The following SLC16A2 variants were observed in gnomAD, a reference collection of about 807,000 sequenced individuals.
The protein encoded by SLC16A2 is solute carrier family 16 member 2, also known as monocarboxylate transporter 8.
In SLC16A2, 3 loss-of-function variants were observed where a neutral mutation model predicts 27.2. The observed-to-expected ratio is 0.11, with a 90% CI of 0.05 to 0.28. The LOEUF (loss-of-function observed/expected upper bound fraction) is 0.28, where lower values mean the gene tolerates loss of function less well. SLC16A2 is among the 10% of genes least tolerant of loss of function. The pLI, the probability that SLC16A2 is intolerant of heterozygous loss-of-function variation, is 1.00. For missense variants in SLC16A2, 295 were observed against 458.5 expected (o/e 0.64, Z 3.26); for synonymous variants, 202 against 187.8 (o/e 1.08, Z -0.62).
intron 1 of SLC16A2, among the ~76,000 whole-genome samples, chrX:74,468,694 TA>T (rs1186074357): frequency 5.3e-5 from 6 of 112,273 alleles, no homozygotes; most frequent in Non-Finnish European, 9.4e-5. Flanking sequence ...ATTTAATTTT[TA>T]TGTGTACATA....
At chrX:74,504,099 G>T (rs1405069661) in intron 1 of SLC16A2, among the ~76,000 whole-genome samples, 3 of 112,279 alleles carry the variant, frequency 2.7e-5, no homozygotes, top group Non-Finnish European at 3.8e-5. Flanking sequence ...GACATTTGCT[G>T]CCCTATTTAT....
intron 2 of SLC16A2, among the ~76,000 whole-genome samples, chrX:74,523,422 C>T (rs758632479): frequency 1.3e-3 from 145 of 112,204 alleles, no homozygotes; most frequent in Non-Finnish European, 1.7e-3. Flanking sequence ...AGAACTATTG[C>T]AAAATATATT....
At chrX:74,510,067 T>C (rs764626140) in intron 1 of SLC16A2, among the ~76,000 whole-genome samples, 97 of 112,056 alleles carry the variant, frequency 8.7e-4, no homozygotes, top group Admixed American at 3.1e-3. Context: ...AGAACTGGTA[T>C]TATCTCTTCC....
rs758214555 is a variant in SLC16A2 at position 74,532,532 on chromosome X, G to A, written c.*979G>A. On this transcript the variant is annotated 3_prime_UTR_variant, in exon 6 of 6. Transcript: ENST00000587091. Reference sequence around the variant, plus strand: ...GAAACTCCTTTCATCTCAGCAGGTAGAGGAGGACTGATGACACGAGCTGCC... The same window carrying A: ...GAAACTCCTTTCATCTCAGCAGGTAAAGGAGGACTGATGACACGAGCTGCC... 1 of 110,936 alleles carries A rather than the reference G, an allele frequency of 9.0e-6. No individual in the cohort carries two copies. Among genetic ancestry groups the A allele is most frequent in the East Asian group, 2.8e-4 (1 of 3,551 alleles). The allele number at this position is 110,936 out of a possible 1,213,427, so 9.1% of individuals were successfully genotyped here.
chrX:74,462,819 A>G (rs1929177016), intron 1 of SLC16A2, among the ~76,000 whole-genome samples: 2 of 111,812 alleles, frequency 1.8e-5, no homozygotes, highest in African/African-American at 6.5e-5. Flanking sequence ...GGCTCAAGAC[A>G]TCTGTGAAAA....
chrX:74,455,335 A>G (rs1929023874), intron 1 of SLC16A2, among the ~76,000 whole-genome samples: 2 of 111,336 alleles, frequency 1.8e-5, no homozygotes, highest in African/African-American at 6.5e-5. Flanking sequence ...GAGTAACTAA[A>G]GTTTGAAAGG....
intron 1 of SLC16A2, among the ~76,000 whole-genome samples, chrX:74,472,744 A>G (rs1171386190): frequency 5.6e-5 from 2 of 36,029 alleles, no homozygotes; most frequent in Non-Finnish European, 7.9e-5. Flanking sequence ...CATGGGTGCA[A>G]AAAAAAAAAA....
chrX:74,511,781 G>T (rs752608420), intron 1 of SLC16A2, among the ~76,000 whole-genome samples: 1 of 112,116 alleles, frequency 8.9e-6, no homozygotes, highest in South Asian at 3.8e-4. Flanking sequence ...ATGGAAAAAG[G>T]TTTGAAAGAA....
chrX:74,479,903 T>A (rs1351548924), intron 1 of SLC16A2, among the ~76,000 whole-genome samples: 1 of 112,325 alleles, frequency 8.9e-6, no homozygotes, highest in African/African-American at 3.2e-5. Context: ...TACTGGGGGT[T>A]GCCTCCTAGT....
At chrX:74,445,407 A>G (rs747115878) in intron 1 of SLC16A2, among the ~76,000 whole-genome samples, 3 of 109,956 alleles carry the variant, frequency 2.7e-5, no homozygotes, top group Non-Finnish European at 5.7e-5. Context: ...TCCTGCAAGA[A>G]GACTTATTTC....
Position 74,450,892 on chromosome X carries a change from A to G in SLC16A2, c.430+28825A>G, listed in dbSNP as rs762878093. Among the ~76,000 whole-genome samples, 9 of 111,713 alleles carry G rather than the reference A, an allele frequency of 8.1e-5. No homozygotes were observed. In the South Asian group the frequency reaches 3.4e-3, roughly 42 times the overall value. ...AATTCTTGTCCACTGTTATAAGCAC[A>G]TAGGTCTTGATTTTAAAAGTCTTAT... is the stretch of plus-strand genomic sequence containing the variant. On this transcript the variant is annotated intron_variant, in intron 1 of 5. Coordinates refer to ENST00000587091, the MANE Select transcript of SLC16A2 (RefSeq NM_006517.5).
chrX:74,422,289 C>T (rs758086740), intron 1 of SLC16A2, among the ~76,000 whole-genome samples: 1 of 112,215 alleles, frequency 8.9e-6, no homozygotes, highest in African/African-American at 3.2e-5. Context: ...TGCAAGGCGT[C>T]CCGGGGGTAC....
At chrX:74,434,360 T>C (rs892674632) in intron 1 of SLC16A2, among the ~76,000 whole-genome samples, 2 of 112,025 alleles carry the variant, frequency 1.8e-5, no homozygotes, top group Non-Finnish European at 3.8e-5. Context: ...AAGTGGAGAA[T>C]TGGGCAGTGG....
At chrX:74,516,565 T>TTA (rs1930320798) in intron 1 of SLC16A2, among the ~76,000 whole-genome samples, 1 of 110,943 alleles carries the variant, frequency 9.0e-6, no homozygotes, top group African/African-American at 3.3e-5. Context: ...TGTGATACCA[T>TTA]TATATATATA....
At chrX:74,484,327 T>C (rs779906635) in intron 1 of SLC16A2, among the ~76,000 whole-genome samples, 95 of 111,855 alleles carry the variant, frequency 8.5e-4, no homozygotes, top group Middle Eastern at 4.6e-3. Flanking sequence ...AACTTGAAGT[T>C]GGGGCTTCCA....
chrX:74,503,063 T>C (rs1332584837), intron 1 of SLC16A2, among the ~76,000 whole-genome samples: 1 of 109,483 alleles, frequency 9.1e-6, no homozygotes, highest in Non-Finnish European at 1.9e-5. Context: ...TTTGCAACCT[T>C]TCCTGTACTC....
intron 2 of SLC16A2, among the ~76,000 whole-genome samples, chrX:74,523,035 C>T (rs1311903697): frequency 1.5e-5 from 1 of 66,918 alleles, no homozygotes; most frequent in Non-Finnish European, 3.5e-5. Flanking sequence ...TGGATCTAAA[C>T]CAAATCCTAT....
At chrX:74,516,489 G>A (rs1475110841) in intron 1 of SLC16A2, among the ~76,000 whole-genome samples, 1 of 111,098 alleles carries the variant, frequency 9.0e-6, no homozygotes, top group Non-Finnish European at 1.9e-5. Flanking sequence ...ATATAAGGGA[G>A]GTTAGGTTTC....
chrX:74,443,157 T>C (rs1296481374), intron 1 of SLC16A2, among the ~76,000 whole-genome samples: 1 of 109,571 alleles, frequency 9.1e-6, no homozygotes, highest in African/African-American at 3.3e-5. Context: ...TATTCCTCCC[T>C]TTTTTTTCAC....
Sources: allele counts gnomAD v4.1 joint callset (sites outside exome capture counted in the v4.1 genomes callset), GRCh38; gene constraint gnomAD v4.1.1; transcripts MANE v1.5; gene names NCBI Gene and HGNC (gene_info 2026-07-23, HGNC 2026-07-21).